Variants in RPS10 observed in about 807,000 individuals in gnomAD.
The protein encoded by RPS10 is small ribosomal subunit protein eS10.
Under a neutral mutation model 22.6 loss-of-function variants are expected in RPS10, and 2 were observed. The ratio of observed to expected loss-of-function variants is 0.09; its 90% CI spans 0.04 to 0.28. The LOEUF is 0.28. Ranked by LOEUF, RPS10 falls within the 10% of genes least tolerant of loss-of-function variation. The pLI, the probability that RPS10 is intolerant of heterozygous loss-of-function variation, is 1.00. For synonymous variants in RPS10, 70 were observed against 75.9 expected (o/e 0.92, Z 0.40); for missense variants, 137 against 222.2 (o/e 0.62, Z 2.44).
intron 5 of RPS10, chr6:34,417,959 C>T (rs1417212884): frequency 1.4e-6 from 1 of 717,412 alleles, no homozygotes; most frequent in African/African-American, 1.7e-5. Context: ...TCACAACTAC[C>T]TTAGTAGCTG....
At chr6:34,419,153 G>A (rs1377192797) in intron 4 of RPS10, among the ~76,000 whole-genome samples, 1 of 151,732 alleles carries the variant, frequency 6.6e-6, no homozygotes, top group African/African-American at 2.4e-5. Flanking sequence ...CGAGTAGCTG[G>A]GATTACAGGC....
At chr6:34,423,198 T>C (rs1263531018) in intron 3 of RPS10, among the ~76,000 whole-genome samples, 1 of 151,886 alleles carries the variant, frequency 6.6e-6, no homozygotes, top group African/African-American at 2.4e-5. Context: ...TTTGACACAG[T>C]GTCTTGCTTT....
intron 5 of RPS10, chr6:34,418,057 T>C (rs1765637069): frequency 1.2e-6 from 1 of 857,730 alleles, no homozygotes; most frequent in Non-Finnish European, 1.8e-6. Context: ...ATGGAGGATT[T>C]GATTTCATAC....
In RPS10 at chr6:34,425,339, G is replaced by C. The variant is rs1581932494; in HGVS notation, c.1-118C>G. ...ACCGTAGACAACATGCTGGTGGGAA[G>C]ACTCAACTCCACAAAACAGATTCGG... On this transcript the variant is annotated intron_variant, in intron 1 of 5. Transcript: ENST00000648437. 3 of 1,336,316 alleles carry C rather than the reference G, an allele frequency of 2.2e-6. No individual in the cohort carries two copies. In the African/African-American group the frequency reaches 4.4e-5, roughly 19 times the overall value. The allele number at this position is 1,336,316 out of a possible 1,614,324, so 82.8% of individuals were successfully genotyped here.
At chr6:34,424,527 C>T in intron 3 of RPS10, 142 bp downstream of exon 3, 1 of 1,130,088 alleles carries the variant, frequency 8.8e-7, no homozygotes, top group South Asian at 1.3e-5. Flanking sequence ...AAGTCCCAAG[C>T]CATGGGACAA....
At chr6:34,419,540 T>C (rs1765691915) in intron 4 of RPS10, among the ~76,000 whole-genome samples, 2 of 151,604 alleles carry the variant, frequency 1.3e-5, no homozygotes, top group South Asian at 4.2e-4. Flanking sequence ...AATTAACACG[T>C]TTAGATATTT....
In RPS10 at chr6:34,425,124, G is replaced by A. The variant is rs754370248; in HGVS notation, c.98C>T (p.Pro33Leu). ...GGGCACATTCTTGTCTGCCAGCTCCGGGTGCTTAGGCATGTGGACATCCTT... is the reference window on the plus strand; with the variant it reads ...GGGCACATTCTTGTCTGCCAGCTCCAGGTGCTTAGGCATGTGGACATCCTT... ...AKKDVHMPKH[P>L]ELADKNVPNL... is the part of the protein sequence containing the mutation. The change falls in exon 2 of 6, where the codon CCG (proline) becomes CTG (leucine). Residue 33 changes from proline to leucine, a missense_variant. Transcript: ENST00000648437. 3.1e-6 allele frequency: 5 copies of A among 1,613,200 alleles called. No homozygotes were observed. Among genetic ancestry groups the A allele is most frequent in the Non-Finnish European group, 4.2e-6 (5 of 1,179,936 alleles).
intron 4 of RPS10, among the ~76,000 whole-genome samples, chr6:34,421,191 C>T (rs1765753984): frequency 6.7e-6 from 1 of 149,384 alleles, no homozygotes; most frequent in Admixed American, 6.7e-5. Context: ...TTGGCATTTG[C>T]TTTCCTCCCC....
intron 3 of RPS10, among the ~76,000 whole-genome samples, chr6:34,423,536 T>C (rs1300249058): frequency 6.6e-6 from 1 of 152,228 alleles, no homozygotes; most frequent in South Asian, 2.1e-4. Context: ...AGATAGGCAC[T>C]GGTATTTTTT....
Position 34,425,040 on chromosome 6 carries a change from G to T in RPS10, c.150+32C>A, listed in dbSNP as rs772234457. On this transcript the variant is annotated intron_variant, in intron 2 of 5. Transcript: ENST00000648437. ...CCCGGGATGGGATCCCGGGGAGGAA[G>T]ATCCATCCCATCTTCCTCCTCACCC... is the stretch of plus-strand genomic sequence containing the variant. 3 of 1,611,770 alleles carry T rather than the reference G, an allele frequency of 1.9e-6. No individual in the cohort carries two copies. The Admixed American group carries it at 5.0e-5, about 27-fold the overall frequency.
chr6:34,421,866 G>A (rs1765780950), intron 3 of RPS10, 59 bp from the exon 4 acceptor site: 1 of 1,604,050 alleles, frequency 6.2e-7, no homozygotes, highest in Admixed American at 1.7e-5. Context: ...GTCCCTTAAA[G>A]CCAAGAAAAC....
chr6:34,419,088 G>A (rs112830822), intron 4 of RPS10, among the ~76,000 whole-genome samples: 4,744 of 151,972 alleles, frequency 0.031, 239 homozygotes, highest in African/African-American at 0.1. Context: ...GCGCGATCTC[G>A]GCTCACTGCA....
At chr6:34,424,480 C>A in intron 3 of RPS10, 189 bp downstream of exon 3, 1 of 678,490 alleles carries the variant, frequency 1.5e-6, no homozygotes, top group Non-Finnish European at 2.5e-6. Context: ...AAGGCCATCT[C>A]ATGGATGGCC....
intron 3 of RPS10, among the ~76,000 whole-genome samples, chr6:34,423,148 C>T (rs1323626221): frequency 2.0e-5 from 3 of 152,060 alleles, no homozygotes; most frequent in Non-Finnish European, 4.4e-5. Flanking sequence ...TACCCGGAGT[C>T]CATATGATTA....
intron 5 of RPS10, chr6:34,418,146 G>C (rs1467143611): frequency 6.2e-6 from 9 of 1,460,258 alleles, no homozygotes; most frequent in Non-Finnish European, 8.1e-6. Context: ...ATACTAGTAG[G>C]CCACATGTAC....
rs1282062719 is a variant in RPS10 at position 34,417,904 on chromosome 6, T to C, written c.457-357A>G. On this transcript the variant is annotated intron_variant, in intron 5 of 5. Coordinates refer to ENST00000648437, the MANE Select transcript of RPS10 (RefSeq NM_001014.5). ...AATCGTGTGCTATGAGGACCTGCCA[T>C]AGGACAAAAATGATATGCCAGTACT... is the stretch of plus-strand genomic sequence containing the variant. The C allele has an allele frequency of 2.2e-5, 16 of 718,460 alleles. No individual in the cohort carries two copies. In the Admixed American group the frequency reaches 2.4e-4, roughly 11 times the overall value. The allele number at this position is 718,460 out of a possible 1,614,324, so 44.5% of individuals were successfully genotyped here. A position where few individuals can be genotyped will look rare whatever the true frequency, so the allele number is the denominator to read the frequency against.
At chr6:34,425,302 G>A in intron 1 of RPS10, 81 bp from the exon 2 acceptor site, 1 of 1,523,648 alleles carries the variant, frequency 6.6e-7, no homozygotes, top group East Asian at 2.4e-5. Context: ...ATCCTAAAGT[G>A]ACCCACACAA....
intron 2 of RPS10, 85 bp from the exon 3 acceptor site, chr6:34,424,925 A>G: frequency 6.2e-7 from 1 of 1,609,040 alleles, no homozygotes; most frequent in Non-Finnish European, 8.5e-7. Flanking sequence ...CAGCCCTTCA[A>G]GTTAGCAAGC....
intron 5 of RPS10, 115 bp from the exon 6 acceptor site, chr6:34,417,662 G>T: frequency 2.1e-6 from 2 of 967,366 alleles, no homozygotes; most frequent in Non-Finnish European, 3.3e-6. Context: ...GTAAACAGCT[G>T]GGAGAGAGCT....
Sources: allele counts gnomAD v4.1 joint callset (sites outside exome capture counted in the v4.1 genomes callset), GRCh38; gene constraint gnomAD v4.1.1; transcripts MANE v1.5; gene names NCBI Gene and HGNC (gene_info 2026-07-23, HGNC 2026-07-21).